TRAPPC9: variants seen among roughly 807,000 people sequenced by gnomAD.
TRAPPC9 encodes the protein IKK2 binding protein.
Under a neutral mutation model 124.0 loss-of-function variants are expected in TRAPPC9, and 83 were observed. That is an observed-to-expected ratio of 0.67 (90% confidence interval 0.56 to 0.80). The LOEUF is 0.80. Ranked by LOEUF, TRAPPC9 falls within the 30% of genes least tolerant of loss-of-function variation. The pLI, the probability that TRAPPC9 is intolerant of heterozygous loss-of-function variation, is 0.00. For missense variants in TRAPPC9, 1,302 were observed against 1,508.3 expected, an observed-to-expected ratio of 0.86 and a Z score of 2.27; for synonymous variants, 638 against 617.5, an observed-to-expected ratio of 1.03 and a Z score of -0.49.
At position 140,033,662 on chromosome 8, in the gene TRAPPC9, T is replaced by G. The variant is rs1250287228; in HGVS notation, c.2557-9583A>C. ...AATGCAACTCTTCATAATGTGGTTT[T>G]TTTTTTTTTTTTTTTTTTTTTTTTT... On this transcript the variant is annotated intron_variant, in intron 17 of 22. Coordinates refer to ENST00000438773, the MANE Select transcript of TRAPPC9 (RefSeq NM_001160372.4). 1.4e-4 allele frequency among the ~76,000 whole-genome samples: 7 copies of G among 50,310 alleles called. No homozygotes were observed. In the African/African-American group the frequency reaches 1.5e-3, roughly 11 times the overall value. 33.0% of individuals were successfully genotyped at this position (50,310 alleles called of 152,430 possible).
chr8:140,328,164 A>C (rs1363247330), intron 9 of TRAPPC9, among the ~76,000 whole-genome samples: 1 of 152,164 alleles, frequency 6.6e-6, no homozygotes. Context: ...CTCAGACAGA[A>C]GAATCGCTTG....
intron 19 of TRAPPC9, among the ~76,000 whole-genome samples, chr8:139,966,654 G>A (rs891770156): frequency 2.6e-5 from 4 of 152,186 alleles, no homozygotes; most frequent in African/African-American, 9.6e-5. Flanking sequence ...TAATCCCACT[G>A]TAACAAAACC....
chr8:139,937,493 C>T (rs529392121), intron 19 of TRAPPC9, among the ~76,000 whole-genome samples: 2 of 152,264 alleles, frequency 1.3e-5, no homozygotes, highest in East Asian at 1.9e-4. Context: ...GCGGGGACAG[C>T]GCTGGGGGCA....
chr8:140,011,143 C>T (rs998529924), intron 18 of TRAPPC9, among the ~76,000 whole-genome samples: 2 of 151,942 alleles, frequency 1.3e-5, no homozygotes, highest in Non-Finnish European at 2.9e-5. Flanking sequence ...AGTTCAAGAC[C>T]GGCCTGGCCA....
intron 17 of TRAPPC9, among the ~76,000 whole-genome samples, chr8:140,043,464 C>T (rs541972379): frequency 7.9e-5 from 12 of 152,310 alleles, no homozygotes; most frequent in Non-Finnish European, 1.3e-4. Context: ...CCTTGTTCTC[C>T]ATTCTTCCTG....
At chr8:139,793,397 T>C (rs924133130) in intron 21 of TRAPPC9, among the ~76,000 whole-genome samples, 2 of 152,188 alleles carry the variant, frequency 1.3e-5, no homozygotes, top group Non-Finnish European at 2.9e-5. Context: ...AGGGGACTCC[T>C]GTTCAGCCCA....
intron 18 of TRAPPC9, among the ~76,000 whole-genome samples, chr8:140,018,828 T>C (rs1839647012): frequency 6.6e-6 from 1 of 152,194 alleles, no homozygotes; most frequent in African/African-American, 2.4e-5. Flanking sequence ...TCTTCCCTTA[T>C]TGCTCTGATT....
At chr8:140,391,486 G>T (rs2068921041) in intron 7 of TRAPPC9, among the ~76,000 whole-genome samples, 1 of 152,136 alleles carries the variant, frequency 6.6e-6, no homozygotes, top group African/African-American at 2.4e-5. Flanking sequence ...GCCAAGGCAG[G>T]TGGATCACCT....
At chr8:139,732,679 G>A (rs1022466099) in intron 21 of TRAPPC9, among the ~76,000 whole-genome samples, 1 of 152,256 alleles carries the variant, frequency 6.6e-6, no homozygotes, top group Non-Finnish European at 1.5e-5. Flanking sequence ...AGGAGGTGGT[G>A]TCTTGATCTC....
chr8:139,758,142 A>C (rs541194507), intron 21 of TRAPPC9, among the ~76,000 whole-genome samples: 8 of 152,326 alleles, frequency 5.3e-5, no homozygotes, highest in African/African-American at 1.9e-4. Context: ...CGGGGAGGCC[A>C]AGCGCTCGGG....
intron 17 of TRAPPC9, among the ~76,000 whole-genome samples, chr8:140,128,797 C>T (rs1198660831): frequency 2.0e-5 from 3 of 152,054 alleles, no homozygotes; most frequent in South Asian, 4.1e-4. Context: ...TCAGTTACAC[C>T]CTCCTGGCGA....
intron 17 of TRAPPC9, among the ~76,000 whole-genome samples, chr8:140,207,322 C>G (rs1263835665): frequency 6.6e-6 from 1 of 152,154 alleles, no homozygotes; most frequent in Non-Finnish European, 1.5e-5. Flanking sequence ...GGAGATATTT[C>G]TAGGGGTGGG....
chr8:140,328,897 C>A (rs541203365), intron 9 of TRAPPC9, among the ~76,000 whole-genome samples: 1 of 152,002 alleles, frequency 6.6e-6, no homozygotes, highest in East Asian at 1.9e-4. Context: ...CTGAGGGTGA[C>A]GGCTTTGGGG....
In TRAPPC9 at chr8:139,926,002, C is replaced by T. The variant is rs570824020; in HGVS notation, c.2811-15702G>A. 1.9e-4 allele frequency among the ~76,000 whole-genome samples: 29 copies of T among 152,322 alleles called. No individual in the cohort carries two copies. The South Asian group carries it at 2.3e-3, about 12-fold the overall frequency. On this transcript the variant is annotated intron_variant, in intron 19 of 22. Transcript: ENST00000438773. ...TGGTGTGCTGCAGCTAGCTGGTTCC[C>T]GCTCCCAGGAGCCAACTGTTAGCAT...
intron 21 of TRAPPC9, among the ~76,000 whole-genome samples, chr8:139,733,463 C>T (rs1417073151): frequency 1.3e-5 from 2 of 152,204 alleles, no homozygotes; most frequent in Non-Finnish European, 2.9e-5. Context: ...GGGGGCCCTT[C>T]CTGCTGGGCA....
intron 18 of TRAPPC9, among the ~76,000 whole-genome samples, chr8:140,021,137 A>G (rs1413940175): frequency 1.3e-5 from 2 of 152,188 alleles, no homozygotes; most frequent in African/African-American, 2.4e-5. Context: ...AGTCCTACAC[A>G]TTGCCATCTG....
At chr8:140,145,794 TG>T in intron 17 of TRAPPC9, among the ~76,000 whole-genome samples, 1 of 152,342 alleles carries the variant, frequency 6.6e-6, no homozygotes, top group Non-Finnish European at 1.5e-5. Flanking sequence ...TGTTTCATAC[TG>T]GATTTTATTT....
In TRAPPC9 at chr8:140,434,969, C is replaced by CAA. The variant is rs371009615; in HGVS notation, c.859+141_859+142dup. On this transcript the variant is annotated intron_variant, in intron 4 of 22. Coordinates refer to ENST00000438773, the MANE Select transcript of TRAPPC9 (RefSeq NM_001160372.4). ...CGGGCAACAGTGCAAGACTCTGTCT[C>CAA]AAAAAAAAAAAAAAATTACTGACTC... is the stretch of plus-strand genomic sequence containing the variant. 1.7e-3 allele frequency: 1,906 copies of CAA among 1,126,562 alleles called. 1 individual carries two copies. The highest frequency in any genetic ancestry group is 6.4e-3 in the African/African-American group (359 of 56,056). The allele number at this position is 1,126,562 out of a possible 1,614,324, so 69.8% of individuals were successfully genotyped here. A position where few individuals can be genotyped will look rare whatever the true frequency, so the allele number is the denominator to read the frequency against.
chr8:140,324,227 C>A (rs1588151538), intron 9 of TRAPPC9, among the ~76,000 whole-genome samples: 1 of 152,202 alleles, frequency 6.6e-6, no homozygotes, highest in East Asian at 1.9e-4. Context: ...ACCACACGAA[C>A]ACAAGTAATA....
Sources: allele counts gnomAD v4.1 joint callset (sites outside exome capture counted in the v4.1 genomes callset), GRCh38; gene constraint gnomAD v4.1.1; transcripts MANE v1.5; gene names NCBI Gene and HGNC (gene_info 2026-07-23, HGNC 2026-07-21).